Variants in UBOX5 observed in about 807,000 individuals in gnomAD.
The protein encoded by UBOX5 is RING finger protein 37.
Under a neutral mutation model 39.0 loss-of-function variants are expected in UBOX5, and 28 were observed. The ratio of observed to expected loss-of-function variants is 0.72; its 90% confidence interval spans 0.53 to 0.98. UBOX5 has a LOEUF of 0.98. Among genes scored for constraint, UBOX5 ranks in the 50% least tolerant of loss-of-function variants. The probability of loss-of-function intolerance (pLI) is 0.00; values close to 1 mark genes in which losing one functional copy is unlikely to be tolerated. For synonymous variants in UBOX5, 283 were observed against 275.5 expected (o/e 1.03, Z -0.27); for missense variants, 585 against 674.4 (o/e 0.87, Z 1.47).
chr20:3,155,870 T>C (rs1341912235), intron 1 of UBOX5, among the ~76,000 whole-genome samples: 2 of 152,216 alleles, frequency 1.3e-5, no homozygotes, highest in Non-Finnish European at 2.9e-5. Flanking sequence ...CTTACTCTTT[T>C]CACTATGCAA....
chr20:3,159,744 C>T (rs1034362150), intron 1 of UBOX5, 22 bp downstream of exon 1: 1 of 152,410 alleles, frequency 6.6e-6, no homozygotes, highest in African/African-American at 2.4e-5. Context: ...CCGCGACCTC[C>T]TCCCCGGCCG....
intron 1 of UBOX5, among the ~76,000 whole-genome samples, chr20:3,123,653 A>G (rs1361655357): frequency 6.6e-6 from 1 of 152,198 alleles, no homozygotes; most frequent in Non-Finnish European, 1.5e-5. Context: ...TCTCTGGCCA[A>G]CAGCTGTTCC....
At chr20:3,115,519 AAC>A in intron 3 of UBOX5, 53 bp from the exon 4 acceptor site, 2 of 1,550,632 alleles carry the variant, frequency 1.3e-6, no homozygotes, top group Non-Finnish European at 8.7e-7. Flanking sequence ...CGCAAAAGAG[AAC>A]AGCCTCAAGT....
intron 1 of UBOX5, among the ~76,000 whole-genome samples, chr20:3,143,715 C>T (rs2066537432): frequency 2.0e-5 from 3 of 152,106 alleles, no homozygotes; most frequent in Non-Finnish European, 2.9e-5. Flanking sequence ...ACTGCCTGAA[C>T]CTGGGAGGCG....
chr20:3,119,189 T>C (rs2066315870), intron 3 of UBOX5, among the ~76,000 whole-genome samples: 1 of 152,178 alleles, frequency 6.6e-6, no homozygotes, highest in Admixed American at 6.5e-5. Context: ...AACGCACAGC[T>C]CCCACACAGT....
chr20:3,151,295 A>T (rs912945974), intron 1 of UBOX5, among the ~76,000 whole-genome samples: 4 of 152,168 alleles, frequency 2.6e-5, no homozygotes, highest in African/African-American at 9.7e-5. Flanking sequence ...AGCTCTTCAC[A>T]TGTTTTTGTA....
chr20:3,152,700 G>A (rs1313460653), intron 1 of UBOX5, among the ~76,000 whole-genome samples: 1 of 152,034 alleles, frequency 6.6e-6, no homozygotes, highest in Admixed American at 6.6e-5. Context: ...TTGAGGACAG[G>A]AGTTCAAGAC....
chr20:3,159,177 A>G (rs954616843), intron 1 of UBOX5, among the ~76,000 whole-genome samples: 3 of 152,118 alleles, frequency 2.0e-5, no homozygotes, highest in Non-Finnish European at 4.4e-5. Flanking sequence ...CATCAATACT[A>G]CCCTTAGGCT....
Position 3,120,514 on chromosome 20 carries a change from G to A in UBOX5, c.1255+870C>T, listed in dbSNP as rs575315211. Among the ~76,000 whole-genome samples, 247 of 151,256 alleles carry A rather than the reference G, an allele frequency of 1.6e-3. 3 individuals are homozygous for A. The South Asian group carries it at 0.022, about 14-fold the overall frequency. On this transcript the variant is annotated intron_variant, in intron 3 of 4. Transcript: ENST00000217173. ...ATACAAAAACTTAGCCAGGCGTGGTGGCGGGCGCCTAATCCCAGCTACTCG... is the reference window on the plus strand; with the variant it reads ...ATACAAAAACTTAGCCAGGCGTGGTAGCGGGCGCCTAATCCCAGCTACTCG...
chr20:3,145,953 G>A (rs1377999846), intron 1 of UBOX5, among the ~76,000 whole-genome samples: 2 of 152,018 alleles, frequency 1.3e-5, no homozygotes, highest in Non-Finnish European at 2.9e-5. Context: ...GGCTGAGGCA[G>A]GAGAACTGCC....
chr20:3,143,150 C>CA (rs921260737), intron 1 of UBOX5, among the ~76,000 whole-genome samples: 4 of 135,058 alleles, frequency 3.0e-5, no homozygotes, highest in Non-Finnish European at 6.1e-5. Flanking sequence ...CTCTGTTACC[C>CA]AGGCTGGAGT....
intron 1 of UBOX5, among the ~76,000 whole-genome samples, chr20:3,154,737 T>C (rs2066666568): frequency 6.6e-6 from 1 of 151,732 alleles, no homozygotes; most frequent in Admixed American, 6.6e-5. Flanking sequence ...CCCTATTCAG[T>C]TGAGAATAAT....
intron 1 of UBOX5, among the ~76,000 whole-genome samples, chr20:3,136,691 T>G (rs1444393566): frequency 6.6e-6 from 1 of 151,406 alleles, no homozygotes; most frequent in Non-Finnish European, 1.5e-5. Context: ...AGTCTTGTTC[T>G]GTTGCCCAGG....
At chr20:3,134,767 G>A (rs1410828812) in intron 1 of UBOX5, among the ~76,000 whole-genome samples, 2 of 145,382 alleles carry the variant, frequency 1.4e-5, no homozygotes, top group Non-Finnish European at 3.0e-5. Context: ...GCTGAGGCAG[G>A]AGAATCACAA....
At chr20:3,126,270 G>A (rs934127025) in intron 1 of UBOX5, among the ~76,000 whole-genome samples, 6 of 152,038 alleles carry the variant, frequency 3.9e-5, no homozygotes, top group East Asian at 1.9e-4. Context: ...GATTAAGGGC[G>A]GTGCAAGATG....
intron 1 of UBOX5, among the ~76,000 whole-genome samples, chr20:3,152,530 C>T (rs1353390571): frequency 3.3e-5 from 5 of 151,782 alleles, no homozygotes; most frequent in African/African-American, 1.2e-4. Flanking sequence ...GACCTACTTT[C>T]GAATTTGGAA....
chr20:3,159,533 A>C (rs928788712), intron 1 of UBOX5, among the ~76,000 whole-genome samples: 1 of 152,272 alleles, frequency 6.6e-6, no homozygotes, highest in African/African-American at 2.4e-5. Flanking sequence ...ATCAAGGGTC[A>C]GATAAGCCCC....
chr20:3,134,819 C>T (rs991477537), intron 1 of UBOX5, among the ~76,000 whole-genome samples: 2 of 151,496 alleles, frequency 1.3e-5, no homozygotes, highest in Non-Finnish European at 2.9e-5. Flanking sequence ...TGGCCGACAC[C>T]GTGCCACTGC....
chr20:3,134,790 G>A (rs1261799572), intron 1 of UBOX5, among the ~76,000 whole-genome samples: 4 of 151,936 alleles, frequency 2.6e-5, no homozygotes, highest in African/African-American at 7.3e-5. Flanking sequence ...ACTTGAACCC[G>A]GGAGGTGGAG....
Sources: gnomAD v4.1 joint callset for allele counts (sites outside exome capture counted in the v4.1 genomes callset) on GRCh38, gnomAD v4.1.1 for gene constraint, MANE v1.5 for transcripts, NCBI Gene and HGNC (gene_info 2026-07-23, HGNC 2026-07-21) for gene names.